The following ABTB3 variants were observed in gnomAD, a reference collection of about 807,000 sequenced individuals.
ABTB3 encodes the protein ankyrin repeat- and BTB/POZ domain-containing protein 3.
the ABTB3 span, among the ~76,000 whole-genome samples, chr12:107,537,237 G>A: frequency 1.4e-4 from 21 of 152,178 alleles, 2 homozygotes; most frequent in African/African-American, 4.6e-4. Context: ...GAAGAGTAGC[G>A]GGGATTAGAG....
At chr12:107,421,508 G>A in the ABTB3 span, among the ~76,000 whole-genome samples, 16 of 152,310 alleles carry the variant, frequency 1.1e-4, no homozygotes, top group East Asian at 2.9e-3. Context: ...AAGAGAAAAA[G>A]CCTGCAAAGC....
At chr12:107,378,075 AAAC>A in the ABTB3 span, among the ~76,000 whole-genome samples, 1 of 152,334 alleles carries the variant, frequency 6.6e-6, no homozygotes, top group Non-Finnish European at 1.5e-5. Flanking sequence ...TAAATTTCAC[AAAC>A]ACCAGTGGAG....
At chr12:107,489,806 A>G in the ABTB3 span, among the ~76,000 whole-genome samples, 1 of 152,074 alleles carries the variant, frequency 6.6e-6, no homozygotes, top group African/African-American at 2.4e-5. Context: ...TCTGTCAGTC[A>G]GGCTGAAGTG....
At chr12:107,614,935 C>G in the ABTB3 span, 1 of 734,554 alleles carries the variant, frequency 1.4e-6, no homozygotes, top group South Asian at 1.8e-5. Flanking sequence ...CAGCTCTTCC[C>G]GAGGCATCTT....
chr12:107,377,288 A>G, the ABTB3 span, among the ~76,000 whole-genome samples: 1 of 152,132 alleles, frequency 6.6e-6, no homozygotes, highest in Non-Finnish European at 1.5e-5. Context: ...GAATGGCCTG[A>G]GGCCTCTGTT....
At chr12:107,559,754 G>A in the ABTB3 span, among the ~76,000 whole-genome samples, 1 of 152,154 alleles carries the variant, frequency 6.6e-6, no homozygotes, top group African/African-American at 2.4e-5. Flanking sequence ...CAGTTCCCTG[G>A]ATTTTTATTG....
At chr12:107,508,016 G>A in the ABTB3 span, among the ~76,000 whole-genome samples, 1 of 152,092 alleles carries the variant, frequency 6.6e-6, no homozygotes, top group South Asian at 2.1e-4. Flanking sequence ...AATTTTCATT[G>A]AAGTCCTAAT....
the ABTB3 span, among the ~76,000 whole-genome samples, chr12:107,322,036 T>G: frequency 0.011 from 1,635 of 152,310 alleles, 30 homozygotes; most frequent in African/African-American, 0.037. Flanking sequence ...ATCTGTAAAA[T>G]AGGGGGCTAG....
chr12:107,422,245 C>T, the ABTB3 span, among the ~76,000 whole-genome samples: 4,196 of 152,064 alleles, frequency 0.028, 152 homozygotes, highest in African/African-American at 0.088. Flanking sequence ...ATAAGCAAGG[C>T]CAGCATGGCC....
At chr12:107,431,425 A>T in the ABTB3 span, among the ~76,000 whole-genome samples, 1 of 152,186 alleles carries the variant, frequency 6.6e-6, no homozygotes, top group African/African-American at 2.4e-5. Flanking sequence ...CCTGGCCAAC[A>T]TGGTGAAACC....
At chr12:107,471,404 T>C in the ABTB3 span, among the ~76,000 whole-genome samples, 1 of 152,136 alleles carries the variant, frequency 6.6e-6, no homozygotes, top group East Asian at 1.9e-4. Context: ...CCTAGAATTT[T>C]AGGATTGGGT....
At chr12:107,598,729 G>C in the ABTB3 span, among the ~76,000 whole-genome samples, 6 of 152,226 alleles carry the variant, frequency 3.9e-5, no homozygotes, top group Non-Finnish European at 7.3e-5. Flanking sequence ...CTCAGGGAAT[G>C]TCCATGCTGG....
At chr12:107,328,532 C>T in the ABTB3 span, among the ~76,000 whole-genome samples, 1 of 152,182 alleles carries the variant, frequency 6.6e-6, no homozygotes, top group South Asian at 2.1e-4. Flanking sequence ...TTCTTCTTTG[C>T]CTTCTCCTGC....
the ABTB3 span, among the ~76,000 whole-genome samples, chr12:107,331,423 T>A: frequency 1.3e-5 from 2 of 150,956 alleles, no homozygotes; most frequent in Non-Finnish European, 3.0e-5. Context: ...GGGACAGGAG[T>A]GTTTGATGGG....
chr12:107,521,335 G>A, the ABTB3 span, among the ~76,000 whole-genome samples: 2 of 151,830 alleles, frequency 1.3e-5, no homozygotes, highest in South Asian at 2.1e-4. Flanking sequence ...GTGCAAGGCT[G>A]TGATTTTTGC....
chr12:107,585,955 G>A, the ABTB3 span, among the ~76,000 whole-genome samples: 1 of 152,202 alleles, frequency 6.6e-6, no homozygotes, highest in Non-Finnish European at 1.5e-5. Context: ...CTGGGGTCAG[G>A]ATACATGGAG....
chr12:107,425,778 T>C, the ABTB3 span, among the ~76,000 whole-genome samples: 3 of 152,222 alleles, frequency 2.0e-5, no homozygotes, highest in Admixed American at 6.5e-5. Flanking sequence ...TTAAGCTCCA[T>C]CTTCTGCAGC....
chr12:107,549,634 C>T, the ABTB3 span, among the ~76,000 whole-genome samples: 3 of 152,186 alleles, frequency 2.0e-5, no homozygotes, highest in Non-Finnish European at 4.4e-5. Context: ...ATCTTTTCCC[C>T]TTCTGCATGA....
chr12:107,603,965 C>T, the ABTB3 span, among the ~76,000 whole-genome samples: 1 of 151,894 alleles, frequency 6.6e-6, no homozygotes, highest in South Asian at 2.1e-4. Context: ...GTCAGGAGAT[C>T]GAGACCATCC....
Sources: gnomAD v4.1 joint callset for allele counts (sites outside exome capture counted in the v4.1 genomes callset) on GRCh38, gnomAD v4.1.1 for gene constraint, MANE v1.5 for transcripts, NCBI Gene and HGNC (gene_info 2026-07-23, HGNC 2026-07-21) for gene names.